Variants in MALSU1 observed in about 807,000 individuals in gnomAD.
The protein encoded by MALSU1 is mitochondrial assembly of ribosomal large subunit protein 1.
MALSU1 carries 22 observed loss-of-function variants against 22.1 expected under a neutral mutation model. That is an observed-to-expected ratio of 1.00 (90% CI 0.71 to 1.42). The LOEUF is 1.42. Among genes scored for constraint, MALSU1 ranks in the 40% most tolerant of loss-of-function variants. The pLI is 0.00. For synonymous variants in MALSU1, 153 were observed against 118.5 expected, an observed-to-expected ratio of 1.29 and a Z score of -1.89; for missense variants, 379 against 308.3, an observed-to-expected ratio of 1.23 and a Z score of -1.72.
chr7:23,309,783 C>T lies in MALSU1; in HGVS notation c.*240C>T, dbSNP rs1402847755. 3.6e-5 allele frequency: 10 copies of T among 276,720 alleles called. No homozygotes were observed. The highest frequency in any genetic ancestry group is 6.0e-5 in the Non-Finnish European group (9 of 149,330). The allele number at this position is 276,720 out of a possible 1,614,324, so 17.1% of individuals were successfully genotyped here. On this transcript the variant is annotated 3_prime_UTR_variant, in exon 4 of 4. Coordinates refer to ENST00000466681, the MANE Select transcript of MALSU1 (RefSeq NM_138446.2). ...GCTGCCTTTATCCTGGAAATGTCATCAGAATTTCCTGGAGTTAGCACTGGC... is the reference window on the plus strand; with the variant it reads ...GCTGCCTTTATCCTGGAAATGTCATTAGAATTTCCTGGAGTTAGCACTGGC...
At chr7:23,302,734 G>C (rs553848987) in intron 2 of MALSU1, among the ~76,000 whole-genome samples, 1 of 152,302 alleles carries the variant, frequency 6.6e-6, no homozygotes, top group African/African-American at 2.4e-5. Context: ...AGGCAAGAAA[G>C]TTTTGTTGTT....
In MALSU1 at chr7:23,300,974, C is replaced by T. The variant is rs1215197596; in HGVS notation, c.392C>T (p.Ser131Phe). 3 of 1,614,020 alleles carry T rather than the reference C, an allele frequency of 1.9e-6. No homozygotes were observed. Among genetic ancestry groups the T allele is most frequent in the Non-Finnish European group, 1.7e-6 (2 of 1,179,952 alleles). Residue 131 changes from serine (S) to phenylalanine (F), a missense_variant, in exon 2 of 4, where the codon TCT (serine) becomes TTT (phenylalanine). Physicochemically the swap from Ser to Phe is radical, Grantham distance 155 (BLOSUM62 -2). Transcript: ENST00000466681. Reference protein sequence around the residue: ...TDYFVIVSGTSTRHLHAMAFY... With the variant: ...TDYFVIVSGTFTRHLHAMAFY... The stretch of plus-strand genomic sequence containing the variant: ...TACTTTGTGATTGTTAGTGGAACTT[C>T]TACCCGACACTTACATGCCATGGCC...
At chr7:23,303,684 C>T (rs1292725223) in intron 2 of MALSU1, among the ~76,000 whole-genome samples, 2 of 151,770 alleles carry the variant, frequency 1.3e-5, no homozygotes, top group African/African-American at 4.8e-5. Flanking sequence ...GTGGTGTGTG[C>T]CTGTAGTCCC....
At position 23,300,375 on chromosome 7, in the gene MALSU1, A is replaced by T. The variant is rs568087741; in HGVS notation, c.257-464A>T. On this transcript the variant is annotated intron_variant, in intron 1 of 3. Coordinates refer to ENST00000466681, the MANE Select transcript of MALSU1 (RefSeq NM_138446.2). ...TAGGCCTCAGTTTCTTCATCTCTCA[A>T]CTGAAGGTTGTGGACCAGATACTGC... Among the ~76,000 whole-genome samples the T allele has an allele frequency of 2.0e-5, 3 of 152,206 alleles. No individual in the cohort carries two copies. In the East Asian group the frequency reaches 5.8e-4, roughly 29 times the overall value.
rs780817482 is a variant in MALSU1, at chr7:23,299,526, C to T, written c.174C>T (p.Val58=). The T allele has an allele frequency of 2.9e-5, 46 of 1,612,596 alleles. No individual in the cohort carries two copies. The highest frequency in any genetic ancestry group is 2.2e-5 in the East Asian group (1 of 44,862). Residue 58 remains valine (V), a synonymous_variant, in exon 1 of 4, where the codon GTC becomes GTT. Transcript: ENST00000466681. ...FCRACQTPNF[V]RGLHSEPGLE... ...GGGCTTGCCAGACCCCAAACTTTGTCCGCGGCCTGCACAGCGAGCCTGGGC... is the reference window on the plus strand; with the variant it reads ...GGGCTTGCCAGACCCCAAACTTTGTTCGCGGCCTGCACAGCGAGCCTGGGC...
Position 23,309,503 on chromosome 7 carries a change from A to G in MALSU1, c.665A>G (p.Asp222Gly). ...GACTTCATTCTTGGAATAGAAGATG[A>G]TACTTCATCTGTGACTCCAGTGGAG... ...PEDFILGIED[D>G]TSSVTPVELK... Residue 222 changes from aspartate to glycine, a missense_variant, in exon 4 of 4, where the codon GAT becomes GGT. Physicochemically the swap from Asp to Gly is moderately conservative, Grantham distance 94 (BLOSUM62 -1). Transcript: ENST00000466681. The G allele has an allele frequency of 6.2e-7, 1 of 1,610,980 alleles. No homozygotes were observed. The highest frequency in any genetic ancestry group is 8.5e-7 in the Non-Finnish European group (1 of 1,179,092).
rs779310936 is a variant in MALSU1 at position 23,300,998 on chromosome 7, C to T, written c.416C>T (p.Ala139Val). The T allele has an allele frequency of 1.7e-5, 28 of 1,613,002 alleles. No individual in the cohort carries two copies. In the East Asian group the frequency reaches 5.1e-4, roughly 30 times the overall value. Residue 139 changes from alanine (A) to valine (V), a missense_variant, in exon 2 of 4, where the codon GCC (alanine) becomes GTC (valine). By Grantham distance (64) the Ala-to-Val change is moderately conservative. Transcript: ENST00000466681. ...GTSTRHLHAM[A>V]FYVVKMYKHL... is the part of the protein sequence containing the mutation. ...TCTACCCGACACTTACATGCCATGG[C>T]CTTCTACGTTGTGAAAATGGTAGGA...
rs530423341 is a variant in MALSU1, at chr7:23,311,570, T to C, written c.*2027T>C. ...GGCACTGCTCCGTATTTTTGAACAT[T>C]TGATTTAACTAATAACTGTGTCAAA... On this transcript the variant is annotated 3_prime_UTR_variant, in exon 4 of 4. Transcript: ENST00000466681. 1.2e-3 allele frequency: 180 copies of C among 152,456 alleles called. 1 individual carries two copies. Among genetic ancestry groups the C allele is most frequent in the African/African-American group, 4.1e-3 (170 of 41,574 alleles). 9.4% of individuals were successfully genotyped at this position (152,456 alleles called of 1,614,324 possible).
At chr7:23,299,794 T>G (rs1289148348) in intron 1 of MALSU1, among the ~76,000 whole-genome samples, 186 bp downstream of exon 1, 2 of 152,160 alleles carry the variant, frequency 1.3e-5, no homozygotes, top group African/African-American at 4.8e-5. Flanking sequence ...AGTGAAGAAA[T>G]TGAGGGCAAG....
rs1251294879 is a variant in MALSU1, at chr7:23,310,217, AATG to A, written c.*679_*681del. The A allele has an allele frequency of 3.9e-5, 6 of 152,216 alleles. No individual in the cohort carries two copies. Among genetic ancestry groups the A allele is most frequent in the African/African-American group, 1.4e-4 (6 of 41,458 alleles). 9.4% of individuals were successfully genotyped at this position (152,216 alleles called of 1,614,324 possible). ...CATACTACACAACAAGCTGCACCTA[AATG>A]ATGAAAAAATTTATTCTGCGTCAAG... On this transcript the variant is annotated 3_prime_UTR_variant, in exon 4 of 4. Transcript: ENST00000466681.
rs756486774 is a variant in MALSU1, at chr7:23,299,433, G to C, written c.81G>C (p.Ala27=). The change falls in exon 1 of 4, where the codon GCG becomes GCC. Residue 27 remains alanine, a synonymous_variant. Transcript: ENST00000466681. ...CGGTTTCCTCGGTGGCGGGGTCCGC[G>C]GTTGGAGCCGAGCCCGGGCTTCGGC... ...RRAVSSVAGS[A]VGAEPGLRLL... The C allele has an allele frequency of 1.4e-5, 23 of 1,604,106 alleles. No individual in the cohort carries two copies. Among genetic ancestry groups the C allele is most frequent in the Middle Eastern group, 3.6e-4 (2 of 5,616 alleles).
chr7:23,303,451 T>C (rs116728820), intron 2 of MALSU1, among the ~76,000 whole-genome samples: 4,612 of 152,278 alleles, frequency 0.03, 215 homozygotes, highest in African/African-American at 0.099. Context: ...CTTAGATTGC[T>C]TCCACCTTTT....
chr7:23,307,757 GAGTA>G, intron 2 of MALSU1, 107 bp from the exon 3 acceptor site: 3 of 699,202 alleles, frequency 4.3e-6, no homozygotes, highest in Non-Finnish European at 7.5e-6. Context: ...AATGAGAAAT[GAGTA>G]AGAAAGATTA....
chr7:23,309,087 A>G (rs1233801130), intron 3 of MALSU1, among the ~76,000 whole-genome samples: 1 of 152,228 alleles, frequency 6.6e-6, no homozygotes, highest in Non-Finnish European at 1.5e-5. Context: ...TTGTCACCGA[A>G]GAGAATCCTG....
chr7:23,301,270 T>C (rs1043469393), intron 2 of MALSU1: 13 of 308,582 alleles, frequency 4.2e-5, no homozygotes, highest in Non-Finnish European at 7.1e-5. Context: ...TTTTTTTTTT[T>C]TCTAATTGAG....
chr7:23,306,637 T>C (rs189980465), intron 2 of MALSU1, among the ~76,000 whole-genome samples: 1 of 152,338 alleles, frequency 6.6e-6, no homozygotes, highest in East Asian at 1.9e-4. Context: ...AGTGCTTTAT[T>C]GTGAAAGGGT....
chr7:23,303,363 CTTCT>C (rs970088857), intron 2 of MALSU1, among the ~76,000 whole-genome samples: 2 of 152,192 alleles, frequency 1.3e-5, no homozygotes, highest in Admixed American at 6.5e-5. Flanking sequence ...CCAGAATTTC[CTTCT>C]TTCTTAAGGC....
chr7:23,302,863 G>A (rs1009317707), intron 2 of MALSU1, among the ~76,000 whole-genome samples: 1 of 152,098 alleles, frequency 6.6e-6, no homozygotes, highest in African/African-American at 2.4e-5. Flanking sequence ...TGCAGTCTCC[G>A]CCTCCCGAGT....
intron 3 of MALSU1, among the ~76,000 whole-genome samples, 195 bp downstream of exon 3, chr7:23,308,144 C>T (rs1408152982): frequency 1.3e-5 from 2 of 152,156 alleles, no homozygotes; most frequent in Non-Finnish European, 2.9e-5. Flanking sequence ...TTTCACCTAA[C>T]CAAACCAAAG....
Sources: gnomAD v4.1 joint callset for allele counts (sites outside exome capture counted in the v4.1 genomes callset) on GRCh38, gnomAD v4.1.1 for gene constraint, MANE v1.5 for transcripts, NCBI Gene and HGNC (gene_info 2026-07-23, HGNC 2026-07-21) for gene names.